MAP4: variants seen among roughly 807,000 people sequenced by gnomAD.
MAP4 encodes microtubule associated protein 4.
A neutral mutation model predicts 170.2 loss-of-function variants in MAP4; 76 were observed. That is an observed-to-expected ratio of 0.45 (90% CI 0.37 to 0.54). The LOEUF is 0.54. Among genes scored for constraint, MAP4 ranks in the 20% least tolerant of loss-of-function variants. The pLI is 0.00. For missense variants in MAP4, 2,506 were observed against 2,748.0 expected, an observed-to-expected ratio of 0.91 and a Z score of 1.97; for synonymous variants, 909 against 994.5, an observed-to-expected ratio of 0.91 and a Z score of 1.62.
intron 2 of MAP4, 133 bp from the exon 3 acceptor site, chr3:47,978,066 T>A (rs2100083244): frequency 1.7e-6 from 1 of 594,036 alleles, no homozygotes; most frequent in African/African-American, 1.8e-5. Context: ...CTGTTCAAAA[T>A]TTAAACATTT....
chr3:48,058,454 C>G (rs549215360), intron 1 of MAP4, among the ~76,000 whole-genome samples: 2 of 152,322 alleles, frequency 1.3e-5, no homozygotes, highest in East Asian at 3.9e-4. Context: ...TCTTACTCTA[C>G]GTGTCCAAGT....
intron 17 of MAP4, among the ~76,000 whole-genome samples, chr3:47,862,420 A>C (rs1576699658): frequency 6.7e-6 from 1 of 150,260 alleles, no homozygotes; most frequent in African/African-American, 2.4e-5. Flanking sequence ...TAAGATTAAA[A>C]GAGTTATAGC....
intron 1 of MAP4, among the ~76,000 whole-genome samples, chr3:48,044,826 G>A (rs564447002): frequency 3.9e-5 from 6 of 152,192 alleles, no homozygotes; most frequent in Non-Finnish European, 8.8e-5. Context: ...GTGAGCACCT[G>A]TAATCCCAGC....
intron 15 of MAP4, among the ~76,000 whole-genome samples, chr3:47,870,105 T>C (rs2151966835): frequency 6.6e-6 from 1 of 152,218 alleles, no homozygotes; most frequent in South Asian, 2.1e-4. Flanking sequence ...ACCTAGGAGA[T>C]GAGATGGTCA....
At chr3:48,087,632 C>A (rs1228850187) in intron 1 of MAP4, among the ~76,000 whole-genome samples, 1 of 152,120 alleles carries the variant, frequency 6.6e-6, no homozygotes, top group African/African-American at 2.4e-5. Flanking sequence ...ATGCCACAAC[C>A]ATCCCTGGGA....
chr3:48,037,955 T>C (rs900272539), intron 1 of MAP4, among the ~76,000 whole-genome samples: 1 of 151,776 alleles, frequency 6.6e-6, no homozygotes, highest in African/African-American at 2.4e-5. Flanking sequence ...TCACCTGAGG[T>C]CAGGAGTTTG....
intron 19 of MAP4, among the ~76,000 whole-genome samples, chr3:47,854,756 AG>A (rs2051662414): frequency 6.6e-6 from 1 of 150,972 alleles, no homozygotes; most frequent in African/African-American, 2.5e-5. Context: ...GGCCCTGCAG[AG>A]GGAGGCCCCA....
intron 3 of MAP4, among the ~76,000 whole-genome samples, chr3:47,966,434 A>T (rs1240165806): frequency 6.6e-6 from 1 of 151,298 alleles, no homozygotes; most frequent in Admixed American, 6.6e-5. Flanking sequence ...TTTTTAGTAG[A>T]GACGGGGTTT....
At chr3:47,952,482 G>T (rs1217948805) in intron 3 of MAP4, among the ~76,000 whole-genome samples, 1 of 152,190 alleles carries the variant, frequency 6.6e-6, no homozygotes, top group African/African-American at 2.4e-5. Flanking sequence ...GAAATCGGAT[G>T]GTTGCTGTGT....
chr3:47,896,453 C>T (rs1260354912), intron 10 of MAP4, among the ~76,000 whole-genome samples: 18 of 152,024 alleles, frequency 1.2e-4, no homozygotes, highest in African/African-American at 3.6e-4. Flanking sequence ...CGCTTGAACC[C>T]GGGAGGCAGA....
At chr3:47,871,896 G>A in intron 13 of MAP4, 21 bp downstream of exon 13, 2 of 1,593,242 alleles carry the variant, frequency 1.3e-6, no homozygotes, top group Non-Finnish European at 8.6e-7. Context: ...AGTTCCCATG[G>A]GAGAGAAAGG....
Position 47,911,429 on chromosome 3 carries a change from GT to G in MAP4, c.2991del (p.Lys997AsnfsTer7). 1 of 1,536,142 alleles carries G rather than the reference GT, an allele frequency of 6.5e-7. No homozygotes were observed. Among genetic ancestry groups the G allele is most frequent in the Non-Finnish European group, 8.7e-7 (1 of 1,146,904 alleles). The part of the protein sequence containing the change: ...KEGNNESKMT[K>X]LQNVKLKEFP... ...AACTCCTTCAGTTTGACATTCTGCA[GT>G]TTAGTCATTTTACTTTCATTATTCC... On this transcript the variant is annotated frameshift_variant, in exon 9 of 21. Coordinates refer to ENST00000683076, the MANE Select transcript of MAP4 (RefSeq NM_001385682.1). LOFTEE classifies it high-confidence loss of function. The surrounding 1 kb of genome is among the most constrained non-coding windows in gnomAD (Gnocchi z 4.0).
intron 10 of MAP4, among the ~76,000 whole-genome samples, chr3:47,887,412 G>A (rs1365568205): frequency 2.0e-5 from 3 of 152,304 alleles, no homozygotes; most frequent in East Asian, 1.9e-4. Flanking sequence ...TGCTGCGCTC[G>A]ATTTCTCACT....
At chr3:47,876,892 T>C (rs2095542575) in intron 11 of MAP4, 1 of 152,028 alleles carries the variant, frequency 6.6e-6, no homozygotes, top group African/African-American at 2.4e-5. Flanking sequence ...GTTGAAACAA[T>C]CTCTACAGAA....
chr3:47,935,689 C>A lies in MAP4; in HGVS notation c.293-7339G>T, dbSNP rs1334872830. On this transcript the variant is annotated intron_variant, in intron 3 of 20. Transcript: ENST00000683076. The stretch of plus-strand genomic sequence containing the variant: ...TGGTGGCTCACACCTGTAATCCCAG[C>A]ACTTTGAGAGGCTGAGACGGGTGGA... Among the ~76,000 whole-genome samples, 7 of 152,008 alleles carry A rather than the reference C, an allele frequency of 4.6e-5. No individual in the cohort carries two copies. In the South Asian group the frequency reaches 1.0e-3, roughly 23 times the overall value.
At chr3:48,054,553 T>C (rs1260321939) in intron 1 of MAP4, among the ~76,000 whole-genome samples, 4 of 129,304 alleles carry the variant, frequency 3.1e-5, no homozygotes, top group African/African-American at 9.1e-5. Flanking sequence ...TCACTTGAAC[T>C]CGAGAGGCAG....
intron 3 of MAP4, among the ~76,000 whole-genome samples, chr3:47,966,450 T>C (rs2100075102): frequency 6.6e-6 from 1 of 151,886 alleles, no homozygotes; most frequent in African/African-American, 2.4e-5. Context: ...GGTTTCACCA[T>C]GTTAGCCAGG....
chr3:47,887,462 T>C (rs1472681750), intron 10 of MAP4, among the ~76,000 whole-genome samples: 1 of 152,224 alleles, frequency 6.6e-6, no homozygotes, highest in Non-Finnish European at 1.5e-5. Context: ...GCTCGGGACC[T>C]GCAGCCCGCC....
intron 1 of MAP4, among the ~76,000 whole-genome samples, chr3:48,071,793 A>G (rs2100141152): frequency 6.6e-6 from 1 of 151,804 alleles, no homozygotes; most frequent in African/African-American, 2.4e-5. Context: ...AGTCCCAGAT[A>G]CTCGGGAGGC....
Sources: allele counts gnomAD v4.1 joint callset (sites outside exome capture counted in the v4.1 genomes callset), GRCh38; gene constraint gnomAD v4.1.1; non-coding constraint Gnocchi (gnomAD v3.1); transcripts MANE v1.5; gene names NCBI Gene and HGNC (gene_info 2026-07-23, HGNC 2026-07-21).